SGCD: variants seen among roughly 807,000 people sequenced by gnomAD.
SGCD encodes delta-sarcoglycan.
SGCD carries 18 observed loss-of-function variants against 36.6 expected under a neutral mutation model. The ratio of observed to expected loss-of-function variants is 0.49; its 90% CI spans 0.34 to 0.73. The LOEUF (loss-of-function observed/expected upper bound fraction) is 0.73. Ranked by LOEUF, SGCD falls within the 30% of genes least tolerant of loss-of-function variation. The pLI, the probability that SGCD is intolerant of heterozygous loss-of-function variation, is 0.01. For synonymous variants in SGCD, 133 were observed against 130.6 expected, an observed-to-expected ratio of 1.02 and a Z score of -0.12; for missense variants, 387 against 346.7, an observed-to-expected ratio of 1.12 and a Z score of -0.92.
the SGCD span, among the ~76,000 whole-genome samples, chr5:155,761,481 C>A: frequency 1.4e-5 from 2 of 141,536 alleles, no homozygotes; most frequent in Admixed American, 1.4e-4. Context: ...ATCACCCTCT[C>A]CATCACCTTC....
intron 3 of SGCD, among the ~76,000 whole-genome samples, chr5:156,219,603 C>A (rs1351819208): frequency 6.6e-6 from 1 of 152,150 alleles, no homozygotes; most frequent in South Asian, 2.1e-4. Flanking sequence ...ATAGATGAAG[C>A]TTCATTGAGA....
intron 7 of SGCD, among the ~76,000 whole-genome samples, chr5:156,687,969 C>T (rs1006847725): frequency 1.3e-5 from 2 of 152,120 alleles, no homozygotes; most frequent in Non-Finnish European, 2.9e-5. Context: ...CTACCCCAGC[C>T]CTTCCCAATG....
At chr5:156,355,143 A>C (rs569106122) in intron 3 of SGCD, among the ~76,000 whole-genome samples, 1 of 152,308 alleles carries the variant, frequency 6.6e-6, no homozygotes, top group South Asian at 2.1e-4. Flanking sequence ...TTGTTTCAAA[A>C]CTGGTCCAAA....
chr5:156,400,198 T>A (rs1772069708), intron 3 of SGCD, among the ~76,000 whole-genome samples: 2 of 152,196 alleles, frequency 1.3e-5, no homozygotes, highest in South Asian at 4.1e-4. Context: ...AATTTCTGGT[T>A]CAATACTCTT....
intron 1 of SGCD, among the ~76,000 whole-genome samples, chr5:155,966,957 G>GTGTA (rs1491540739): frequency 6.7e-6 from 1 of 149,572 alleles, no homozygotes; most frequent in African/African-American, 2.5e-5. Flanking sequence ...GTGTGTGTGT[G>GTGTA]TATGTGTGTG....
At chr5:155,758,544 G>T in the SGCD span, among the ~76,000 whole-genome samples, 1 of 152,202 alleles carries the variant, frequency 6.6e-6, no homozygotes, top group African/African-American at 2.4e-5. Flanking sequence ...GGGCTGCACA[G>T]CAGGAGGTGA....
the SGCD span, among the ~76,000 whole-genome samples, chr5:155,746,801 C>A: frequency 6.6e-6 from 1 of 152,300 alleles, no homozygotes; most frequent in African/African-American, 2.4e-5. Flanking sequence ...GCAGTTAAAT[C>A]TGTACTTACT....
chr5:156,310,499 G>C (rs1488131407), intron 3 of SGCD, among the ~76,000 whole-genome samples: 2 of 152,134 alleles, frequency 1.3e-5, no homozygotes, highest in African/African-American at 4.8e-5. Context: ...ATGGGTAGCT[G>C]CTACTGTGTT....
intron 7 of SGCD, among the ~76,000 whole-genome samples, chr5:156,656,654 G>C (rs1763694036): frequency 6.6e-6 from 1 of 151,998 alleles, no homozygotes; most frequent in Non-Finnish European, 1.5e-5. Context: ...TTTCAGATAT[G>C]GTTGCAGGAA....
intron 7 of SGCD, among the ~76,000 whole-genome samples, chr5:156,648,574 T>C (rs181734422): frequency 6.6e-6 from 1 of 152,202 alleles, no homozygotes; most frequent in Admixed American, 6.6e-5. Context: ...AGGAAATAAA[T>C]TGGGCCAAAG....
chr5:156,647,444 C>T lies in SGCD; in HGVS notation c.503-20C>T, dbSNP rs896813117. 2.6e-6 allele frequency: 4 copies of T among 1,556,004 alleles called. No individual in the cohort carries two copies. The African/African-American group carries it at 4.1e-5, about 16-fold the overall frequency. On this transcript the variant is annotated intron_variant, in intron 6 of 8. Coordinates refer to ENST00000337851, the MANE Select transcript of SGCD (RefSeq NM_000337.6). The stretch of plus-strand genomic sequence containing the variant: ...CTCCAGTATCTCCAATCTCTGTTTG[C>T]TTTTCTGTTTTGTTTACAGGAGCGG...
intron 4 of SGCD, among the ~76,000 whole-genome samples, chr5:156,552,395 A>G (rs570846336): frequency 2.0e-5 from 3 of 152,358 alleles, no homozygotes; most frequent in South Asian, 4.1e-4. Flanking sequence ...CCTAGGTACA[A>G]CAGTGGGGAT....
chr5:156,111,716 T>C (rs1355439416), intron 1 of SGCD, among the ~76,000 whole-genome samples: 1 of 152,044 alleles, frequency 6.6e-6, no homozygotes, highest in Non-Finnish European at 1.5e-5. Flanking sequence ...TGCACATGGA[T>C]TGTGGAGGTT....
intron 3 of SGCD, among the ~76,000 whole-genome samples, chr5:156,291,699 C>T (rs1053579225): frequency 1.3e-5 from 2 of 151,802 alleles, no homozygotes; most frequent in Non-Finnish European, 2.9e-5. Flanking sequence ...TTGTTAAATG[C>T]CTTTACTCTC....
intron 1 of SGCD, among the ~76,000 whole-genome samples, chr5:156,086,811 G>A (rs1162748820): frequency 6.6e-6 from 1 of 152,170 alleles, no homozygotes; most frequent in Non-Finnish European, 1.5e-5. Context: ...AACAAGGAAG[G>A]AAAAGAAAAG....
intron 3 of SGCD, among the ~76,000 whole-genome samples, chr5:156,291,028 C>A (rs1766744649): frequency 6.6e-6 from 1 of 152,088 alleles, no homozygotes; most frequent in African/African-American, 2.4e-5. Context: ...TTAGAGCCGG[C>A]CCTTGACATC....
At chr5:156,119,680 T>C (rs1369614951) in intron 2 of SGCD, among the ~76,000 whole-genome samples, 5 of 152,026 alleles carry the variant, frequency 3.3e-5, no homozygotes, top group Non-Finnish European at 7.4e-5. Flanking sequence ...CCACTTAGAG[T>C]TGCTAATACC....
At position 156,290,831 on chromosome 5, in the gene SGCD, A is replaced by G. The variant is rs146102665; in HGVS notation, c.-43-38703A>G. On this transcript the variant is annotated intron_variant, in intron 3 of 9. Coordinates refer to the SGCD transcript ENST00000517913. ...ATACCCCTCTGTAATCCCTGAACAC[A>G]TCTGACTTTACATTTATTTTGATCC... 4.0e-4 allele frequency among the ~76,000 whole-genome samples: 61 copies of G among 152,256 alleles called. No individual in the cohort carries two copies. In the East Asian group the frequency reaches 0.011, roughly 27 times the overall value.
At chr5:156,069,850 C>G (rs1237410390) in intron 1 of SGCD, among the ~76,000 whole-genome samples, 1 of 152,006 alleles carries the variant, frequency 6.6e-6, no homozygotes, top group Non-Finnish European at 1.5e-5. Context: ...CTTCACGTCC[C>G]TTGTAAGTTG....
Sources: gnomAD v4.1 joint callset for allele counts (sites outside exome capture counted in the v4.1 genomes callset) on GRCh38, gnomAD v4.1.1 for gene constraint, MANE v1.5 for transcripts, NCBI Gene and HGNC (gene_info 2026-07-23, HGNC 2026-07-21) for gene names.